Variants in CWH43 observed in about 807,000 individuals in gnomAD.
CWH43 encodes the protein PGAP2-interacting protein.
Under a neutral mutation model 85.7 loss-of-function variants are expected in CWH43, and 91 were observed. The ratio of observed to expected loss-of-function variants is 1.06; its 90% CI spans 0.90 to 1.26. The LOEUF is 1.26. CWH43 is among the 50% of genes most tolerant of loss of function. CWH43 has a pLI of 0.00. For synonymous variants in CWH43, 323 were observed against 293.6 expected (o/e 1.10, Z -1.02); for missense variants, 869 against 839.2 (o/e 1.04, Z -0.44).
At chr4:49,060,910 GTA>G (rs1785136490) in intron 15 of CWH43, among the ~76,000 whole-genome samples, 1 of 152,110 alleles carries the variant, frequency 6.6e-6, no homozygotes, top group Admixed American at 6.5e-5. Flanking sequence ...ATATCTGTGT[GTA>G]TATGTGTGTT....
At chr4:49,003,692 C>T (rs773557918) in intron 6 of CWH43, 43 bp from the exon 7 acceptor site, 1 of 1,607,772 alleles carries the variant, frequency 6.2e-7, no homozygotes, top group South Asian at 1.1e-5. Flanking sequence ...ATCCTCTAAG[C>T]TCGACTGCTT....
At chr4:49,060,471 C>T (rs1372100871) in intron 15 of CWH43, among the ~76,000 whole-genome samples, 2 of 152,190 alleles carry the variant, frequency 1.3e-5, no homozygotes, top group East Asian at 3.9e-4. Context: ...GGCCTGGAAG[C>T]TTGGTCTGTG....
chr4:49,029,439 C>T (rs1441275458), intron 10 of CWH43, among the ~76,000 whole-genome samples: 2 of 152,182 alleles, frequency 1.3e-5, no homozygotes, highest in Non-Finnish European at 2.9e-5. Flanking sequence ...GGGTATTGTC[C>T]AAGGTTTCCC....
Position 48,998,511 on chromosome 4 carries a change from G to A in CWH43, c.765G>A (p.Leu255=), listed in dbSNP as rs775031029. 24 of 1,613,876 alleles carry A rather than the reference G, an allele frequency of 1.5e-5. No homozygotes were observed. In the Admixed American group the frequency reaches 2.7e-4, roughly 18 times the overall value. ...LASGLMLPSC[L]WFRGTGLIWW... ...GTGGATTGATGCTTCCATCTTGTTT[G>A]TGGTTTCGTGGTACTGGTTTGATCT... Residue 255 remains leucine (L), a synonymous_variant, in exon 6 of 16, where the codon TTG becomes TTA. Coordinates refer to ENST00000226432, the MANE Select transcript of CWH43 (RefSeq NM_025087.3).
intron 8 of CWH43, among the ~76,000 whole-genome samples, chr4:49,014,693 C>A (rs887302848): frequency 4.0e-5 from 6 of 151,826 alleles, no homozygotes; most frequent in African/African-American, 1.5e-4. Flanking sequence ...GTTATTTAGT[C>A]ATTTTTGTGT....
rs1307021814 is a variant in CWH43 at position 48,986,424 on chromosome 4, G to C, written c.-6G>C. On this transcript the variant is annotated 5_prime_UTR_variant, in exon 1 of 16. Coordinates refer to ENST00000226432, the MANE Select transcript of CWH43 (RefSeq NM_025087.3). ...TTCCTGGAAAGCGCTGCCCCTCGCC[G>C]CGGCGATGCCCTCGCTGTGGAGAGA... 1 of 1,544,720 alleles carries C rather than the reference G, an allele frequency of 6.5e-7. No individual in the cohort carries two copies. Among genetic ancestry groups the C allele is most frequent in the Admixed American group, 2.0e-5 (1 of 50,912 alleles).
intron 7 of CWH43, among the ~76,000 whole-genome samples, chr4:49,005,655 C>A (rs756536078): frequency 2.0e-5 from 3 of 151,452 alleles, no homozygotes; most frequent in Non-Finnish European, 4.4e-5. Context: ...GAGCTCCCCC[C>A]TCAACCTCCC....
intron 15 of CWH43, among the ~76,000 whole-genome samples, chr4:49,054,878 T>A (rs1784903565): frequency 2.0e-5 from 3 of 152,134 alleles, no homozygotes; most frequent in African/African-American, 7.2e-5. Flanking sequence ...AATTTATTAA[T>A]TCTAACAGTT....
intron 5 of CWH43, among the ~76,000 whole-genome samples, chr4:48,996,885 A>T (rs1046745170): frequency 1.3e-5 from 2 of 152,196 alleles, no homozygotes; most frequent in African/African-American, 4.8e-5. Context: ...ACTGCAACTC[A>T]CAAGACCAGC....
At chr4:49,057,189 A>C (rs564342977) in intron 15 of CWH43, among the ~76,000 whole-genome samples, 1 of 152,218 alleles carries the variant, frequency 6.6e-6, no homozygotes, top group Non-Finnish European at 1.5e-5. Context: ...CAGCCTCAGG[A>C]GGTCCTGACG....
At chr4:49,061,238 AC>A (rs1785148148) in intron 15 of CWH43, among the ~76,000 whole-genome samples, 1 of 152,190 alleles carries the variant, frequency 6.6e-6, no homozygotes, top group Non-Finnish European at 1.5e-5. Flanking sequence ...TTTTAAGATG[AC>A]AAAGGAAGCA....
chr4:49,055,118 A>C (rs1475149391), intron 15 of CWH43, among the ~76,000 whole-genome samples: 1 of 152,130 alleles, frequency 6.6e-6, no homozygotes, highest in Non-Finnish European at 1.5e-5. Context: ...ACTTTTAATC[A>C]CTGAGTATGA....
At chr4:49,019,070 C>T (rs1783653405) in intron 9 of CWH43, among the ~76,000 whole-genome samples, 1 of 152,134 alleles carries the variant, frequency 6.6e-6, no homozygotes, top group Admixed American at 6.6e-5. Context: ...ATTCATTTGG[C>T]TAATGATTAC....
At chr4:49,004,108 T>C in intron 7 of CWH43, 116 bp downstream of exon 7, 2 of 925,788 alleles carry the variant, frequency 2.2e-6, no homozygotes, top group Non-Finnish European at 3.1e-6. Flanking sequence ...TCTAGCTTTC[T>C]TGGTAAAATA....
chr4:49,059,115 G>T lies in CWH43; in HGVS notation c.2022-2697G>T, dbSNP rs187082557. Among the ~76,000 whole-genome samples, 610 of 152,136 alleles carry T rather than the reference G, an allele frequency of 4.0e-3. 7 individuals are homozygous for T. The highest frequency in any genetic ancestry group is 0.01 in the Middle Eastern group (3 of 294). Reference sequence around the variant, plus strand: ...ACACCAATAAGGTTTACTTAATGATGACCTATAATTTCTGTAGGCTATCTC... The same window carrying T: ...ACACCAATAAGGTTTACTTAATGATTACCTATAATTTCTGTAGGCTATCTC... On this transcript the variant is annotated intron_variant, in intron 15 of 15. Transcript: ENST00000226432.
At chr4:49,059,967 A>G (rs747369849) in intron 15 of CWH43, among the ~76,000 whole-genome samples, 2 of 151,966 alleles carry the variant, frequency 1.3e-5, no homozygotes, top group Non-Finnish European at 2.9e-5. Flanking sequence ...TAGGCCTCCT[A>G]TGTTAAACTC....
At chr4:49,016,223 T>C (rs1402204770) in intron 8 of CWH43, among the ~76,000 whole-genome samples, 3 of 152,208 alleles carry the variant, frequency 2.0e-5, no homozygotes, top group Admixed American at 2.0e-4. Context: ...GGCCAATAAA[T>C]TCAATAATTT....
intron 9 of CWH43, among the ~76,000 whole-genome samples, chr4:49,020,819 G>A (rs1020074287): frequency 6.6e-6 from 1 of 152,092 alleles, no homozygotes. Context: ...GTGATGTTGA[G>A]CATTTTTCCA....
intron 2 of CWH43, among the ~76,000 whole-genome samples, chr4:48,990,082 G>A (rs983886742): frequency 3.3e-5 from 5 of 152,176 alleles, no homozygotes; most frequent in African/African-American, 1.2e-4. Flanking sequence ...TCCACAGACT[G>A]AGTAGTTACT....
Sources: gnomAD v4.1 joint callset for allele counts (sites outside exome capture counted in the v4.1 genomes callset) on GRCh38, gnomAD v4.1.1 for gene constraint, MANE v1.5 for transcripts, NCBI Gene and HGNC (gene_info 2026-07-23, HGNC 2026-07-21) for gene names.